AGAP1: variants seen among roughly 807,000 people sequenced by gnomAD.
AGAP1 encodes the protein arf-GAP with GTPase, ANK repeat and PH domain-containing protein 1.
AGAP1 carries 29 observed loss-of-function variants against 105.3 expected under a neutral mutation model. The ratio of observed to expected loss-of-function variants is 0.28; its 90% confidence interval spans 0.21 to 0.38. The LOEUF is 0.38. Among genes scored for constraint, AGAP1 ranks in the 10% least tolerant of loss-of-function variants. The pLI is 1.00. For synonymous variants in AGAP1, 509 were observed against 485.9 expected (o/e 1.05, Z -0.63); for missense variants, 998 against 1,165.1 (o/e 0.86, Z 2.09).
Position 235,732,176 on chromosome 2 carries a change from T to A in AGAP1, c.311-8787T>A, listed in dbSNP as rs926220227. Among the ~76,000 whole-genome samples the A allele has an allele frequency of 1.3e-4, 20 of 152,340 alleles. No individual in the cohort carries two copies. Among genetic ancestry groups the A allele is most frequent in the African/African-American group, 4.8e-4 (20 of 41,588 alleles). ...TTCGAATAGTCTTTGAGTTCTTTTGTTGTGGATGTGTTGTCAGAGATACCA... is the reference window on the plus strand; with the variant it reads ...TTCGAATAGTCTTTGAGTTCTTTTGATGTGGATGTGTTGTCAGAGATACCA... On this transcript the variant is annotated intron_variant, in intron 3 of 17. Transcript: ENST00000304032. This position sits in a 1 kb window ranked among gnomAD's most constrained non-coding sequence, Gnocchi z 4.8.
rs1421674516 is a variant in AGAP1, at chr2:235,691,112, A to AG, written c.164-18065dup. ...CCTCCAGACTCTGCTCCCTAGGCCG[A>AG]GGTGAGGCCAGCAAGGAGTCTGCCC... is the stretch of plus-strand genomic sequence containing the variant. On this transcript the variant is annotated intron_variant, in intron 1 of 17. Coordinates refer to ENST00000304032, the MANE Select transcript of AGAP1 (RefSeq NM_001037131.3). The surrounding 1 kb of genome is among the most constrained non-coding windows in gnomAD (Gnocchi z 4.4). Among the ~76,000 whole-genome samples, 1 of 152,154 alleles carries AG rather than the reference A, an allele frequency of 6.6e-6. No individual in the cohort carries two copies. The highest frequency in any genetic ancestry group is 2.4e-5 in the African/African-American group (1 of 41,450).
rs980594983 is a variant in AGAP1 at position 235,799,816 on chromosome 2, T to C, written c.957+294T>C. Among the ~76,000 whole-genome samples, 3 of 152,126 alleles carry C rather than the reference T, an allele frequency of 2.0e-5. No homozygotes were observed. The highest frequency in any genetic ancestry group is 2.9e-5 in the Non-Finnish European group (2 of 68,018). ...GGCTCCAGCTAAAGATGTGTCACAG[T>C]GGATACAAGGAGATGACAAAACTCT... On this transcript the variant is annotated intron_variant, in intron 8 of 17. Transcript: ENST00000304032. This position sits in a 1 kb window ranked among gnomAD's most constrained non-coding sequence, Gnocchi z 5.0.
intron 8 of AGAP1, among the ~76,000 whole-genome samples, chr2:235,802,422 C>T (rs2150063504): frequency 6.6e-6 from 1 of 152,326 alleles, no homozygotes; most frequent in Middle Eastern, 3.4e-3. Flanking sequence ...TGTTATCTTT[C>T]TCCTTAATCT....
At chr2:235,670,081 G>A in intron 1 of AGAP1, 1 of 433,778 alleles carries the variant, frequency 2.3e-6, no homozygotes, top group South Asian at 4.3e-5. Context: ...ATGCGGCGGG[G>A]CCCCAGCGCG....
intron 1 of AGAP1, among the ~76,000 whole-genome samples, chr2:235,530,945 G>T (rs1410708129): frequency 6.6e-6 from 1 of 152,148 alleles, no homozygotes; most frequent in Non-Finnish European, 1.5e-5. Flanking sequence ...GCTGTCATTG[G>T]GGCTGAGCCA....
Position 235,700,902 on chromosome 2 carries a change from AAT to A in AGAP1, c.164-8272_164-8271del, listed in dbSNP as rs1470052657. ...TTTATAATATATGTATATAATGTAT[AAT>A]ATATGCATATATTATGTATTACACA... On this transcript the variant is annotated intron_variant, in intron 1 of 17. Transcript: ENST00000304032. The surrounding 1 kb of genome is among the most constrained non-coding windows in gnomAD (Gnocchi z 6.1). Among the ~76,000 whole-genome samples, 1 of 147,824 alleles carries A rather than the reference AAT, an allele frequency of 6.8e-6. No homozygotes were observed. Among genetic ancestry groups the A allele is most frequent in the East Asian group, 1.9e-4 (1 of 5,158 alleles).
Position 235,891,077 on chromosome 2 carries a change from A to G in AGAP1, c.1155+7628A>G, listed in dbSNP as rs866242945. Among the ~76,000 whole-genome samples, 3 of 152,166 alleles carry G rather than the reference A, an allele frequency of 2.0e-5. No individual in the cohort carries two copies. The highest frequency in any genetic ancestry group is 2.1e-4 in the South Asian group (1 of 4,826). ...TGAAACTGCCTTAATGGAGTGGCCAACTGCCCTGGTTTTCTGCAGGACTGA... is the reference window on the plus strand; with the variant it reads ...TGAAACTGCCTTAATGGAGTGGCCAGCTGCCCTGGTTTTCTGCAGGACTGA... On this transcript the variant is annotated intron_variant, in intron 10 of 17. Coordinates refer to ENST00000304032, the MANE Select transcript of AGAP1 (RefSeq NM_001037131.3). This position sits in a 1 kb window ranked among gnomAD's most constrained non-coding sequence, Gnocchi z 4.2.
In AGAP1 at chr2:235,552,633, A is replaced by G. The variant is rs887883521; in HGVS notation, c.163+57784A>G. On this transcript the variant is annotated intron_variant, in intron 1 of 17. Transcript: ENST00000304032. This position sits in a 1 kb window ranked among gnomAD's most constrained non-coding sequence, Gnocchi z 5.9. ...ATGCGGCGTATGGGCAGGTGCACACACACCTGGCAGAGGTTTGGAGCTGGG... is the reference window on the plus strand; with the variant it reads ...ATGCGGCGTATGGGCAGGTGCACACGCACCTGGCAGAGGTTTGGAGCTGGG... Among the ~76,000 whole-genome samples, 5 of 152,186 alleles carry G rather than the reference A, an allele frequency of 3.3e-5. No individual in the cohort carries two copies. The highest frequency in any genetic ancestry group is 1.2e-4 in the African/African-American group (5 of 41,452).
At position 235,968,499 on chromosome 2, in the gene AGAP1, T is replaced by C; in HGVS notation, c.1521T>C (p.Ser507=). 6.2e-7 allele frequency: 1 copy of C among 1,611,010 alleles called. No homozygotes were observed. Among genetic ancestry groups the C allele is most frequent in the Non-Finnish European group, 8.5e-7 (1 of 1,179,016 alleles). The change falls in exon 13 of 18, where the codon AGT becomes AGC. Residue 507 remains serine (S), a synonymous_variant. Coordinates refer to ENST00000304032, the MANE Select transcript of AGAP1 (RefSeq NM_001037131.3). ...GTGACTCCGTATGCTCCAGCCCCAG[T>C]ATCTCCAGCACCACCAGCCCCAAGC... The part of the protein sequence containing the change: ...GLGDSVCSSP[S]ISSTTSPKLD...
intron 1 of AGAP1, among the ~76,000 whole-genome samples, chr2:235,684,975 C>G (rs1949300518): frequency 6.6e-6 from 1 of 152,042 alleles, no homozygotes; most frequent in Admixed American, 6.5e-5. Flanking sequence ...TCTTGGAGAC[C>G]CTGTGCTCCA....
At position 235,620,681 on chromosome 2, in the gene AGAP1, G is replaced by A. The variant is rs951366455; in HGVS notation, c.164-88498G>A. Among the ~76,000 whole-genome samples the A allele has an allele frequency of 7.2e-5, 11 of 152,054 alleles. No individual in the cohort carries two copies. The highest frequency in any genetic ancestry group is 2.7e-4 in the African/African-American group (11 of 41,384). ...AAACCCCAGCTCCCTGACATGTCTG[G>A]TGTCTCTCTCTCCCCACTGGATGGA... is the stretch of plus-strand genomic sequence containing the variant. On this transcript the variant is annotated intron_variant, in intron 1 of 17. Transcript: ENST00000304032. The surrounding 1 kb of genome is among the most constrained non-coding windows in gnomAD (Gnocchi z 4.5).
chr2:235,635,470 T>C lies in AGAP1; in HGVS notation c.164-73709T>C, dbSNP rs946825048. On this transcript the variant is annotated intron_variant, in intron 1 of 17. Transcript: ENST00000304032. This position sits in a 1 kb window ranked among gnomAD's most constrained non-coding sequence, Gnocchi z 5.3. ...TTGTCATTTTGGTGTGGTGAATTCG[T>C]TCTTTTATTCATCATCCAAAAAGTT... 5.3e-5 allele frequency among the ~76,000 whole-genome samples: 8 copies of C among 152,190 alleles called. No individual in the cohort carries two copies. The highest frequency in any genetic ancestry group is 1.0e-4 in the Non-Finnish European group (7 of 68,024).
At chr2:235,591,082 C>T (rs1319199268) in intron 1 of AGAP1, among the ~76,000 whole-genome samples, 1 of 152,014 alleles carries the variant, frequency 6.6e-6, no homozygotes, top group African/African-American at 2.4e-5. Flanking sequence ...GTGGGGCGAT[C>T]TCGGTTCACT....
Position 236,078,931 on chromosome 2 carries a change from A to G in AGAP1, c.2114+29650A>G, listed in dbSNP as rs2058711556. Among the ~76,000 whole-genome samples, 1 of 152,140 alleles carries G rather than the reference A, an allele frequency of 6.6e-6. No homozygotes were observed. Among genetic ancestry groups the G allele is most frequent in the South Asian group, 2.1e-4 (1 of 4,836 alleles). Reference sequence around the variant, plus strand: ...TCCAGCAGAAGGTCCAGCCTCACACAGTGACCCAGTGGGCTTGAACAGTGA... The same window carrying G: ...TCCAGCAGAAGGTCCAGCCTCACACGGTGACCCAGTGGGCTTGAACAGTGA... On this transcript the variant is annotated intron_variant, in intron 16 of 17. Coordinates refer to ENST00000304032, the MANE Select transcript of AGAP1 (RefSeq NM_001037131.3). The surrounding 1 kb of genome is among the most constrained non-coding windows in gnomAD (Gnocchi z 5.3).
At position 235,744,207 on chromosome 2, in the gene AGAP1, A is replaced by G. The variant is rs932593284; in HGVS notation, c.397-491A>G. Among the ~76,000 whole-genome samples, 1 of 152,184 alleles carries G rather than the reference A, an allele frequency of 6.6e-6. No individual in the cohort carries two copies. The highest frequency in any genetic ancestry group is 1.5e-5 in the Non-Finnish European group (1 of 68,028). On this transcript the variant is annotated intron_variant, in intron 4 of 17. Transcript: ENST00000304032. The surrounding 1 kb of genome is among the most constrained non-coding windows in gnomAD (Gnocchi z 5.2). Reference sequence around the variant, plus strand: ...TCTTTACCCTTCAACAGAGTAGGCCAGCCGCTGCGGTAGCGAGTGGGAAGG... The same window carrying G: ...TCTTTACCCTTCAACAGAGTAGGCCGGCCGCTGCGGTAGCGAGTGGGAAGG...
At chr2:235,860,359 C>CT (rs879681418) in intron 9 of AGAP1, among the ~76,000 whole-genome samples, 6,139 of 148,074 alleles carry the variant, frequency 0.041, 168 homozygotes, top group African/African-American at 0.088. Context: ...TTATAATTAC[C>CT]TTTTTTTTTT....
At chr2:235,854,475 T>A (rs1013571051) in intron 9 of AGAP1, among the ~76,000 whole-genome samples, 5 of 152,200 alleles carry the variant, frequency 3.3e-5, no homozygotes, top group African/African-American at 1.2e-4. Context: ...CTATTTGCCC[T>A]TCATCACAGA....
intron 9 of AGAP1, among the ~76,000 whole-genome samples, chr2:235,809,170 G>A (rs1053738007): frequency 2.0e-5 from 3 of 151,976 alleles, no homozygotes; most frequent in Non-Finnish European, 4.4e-5. Flanking sequence ...GTGGGCCCCC[G>A]GTATAATTGG....
At position 235,908,600 on chromosome 2, in the gene AGAP1, C is replaced by T. The variant is rs1358537152; in HGVS notation, c.1156-138C>T. 12 of 724,064 alleles carry T rather than the reference C, an allele frequency of 1.7e-5. No individual in the cohort carries two copies. Among genetic ancestry groups the T allele is most frequent in the Non-Finnish European group, 2.4e-5 (11 of 459,166 alleles). 44.9% of individuals were successfully genotyped at this position (724,064 alleles called of 1,614,324 possible). On this transcript the variant is annotated intron_variant, in intron 10 of 17. Coordinates refer to ENST00000304032, the MANE Select transcript of AGAP1 (RefSeq NM_001037131.3). This position sits in a 1 kb window ranked among gnomAD's most constrained non-coding sequence, Gnocchi z 4.4. Reference sequence around the variant, plus strand: ...ACCAGTACTCTATAGATAAAAATCTCATGATTTTTAAAGTACTTTCCACAG... The same window carrying T: ...ACCAGTACTCTATAGATAAAAATCTTATGATTTTTAAAGTACTTTCCACAG...
Sources: allele counts gnomAD v4.1 joint callset (sites outside exome capture counted in the v4.1 genomes callset), GRCh38; gene constraint gnomAD v4.1.1; non-coding constraint Gnocchi (gnomAD v3.1); transcripts MANE v1.5; gene names NCBI Gene and HGNC (gene_info 2026-07-23, HGNC 2026-07-21).